The following SATB1 variants were observed in gnomAD, a reference collection of about 807,000 sequenced individuals.
SATB1 encodes the protein SATB homeobox 1, also known as DNA-binding protein SATB1.
Under a neutral mutation model 86.9 loss-of-function variants are expected in SATB1, and 11 were observed. The ratio of observed to expected loss-of-function variants is 0.13; its 90% confidence interval spans 0.08 to 0.21. SATB1 has a LOEUF of 0.21. SATB1 is among the 10% of genes least tolerant of loss of function. The probability of loss-of-function intolerance (pLI) is 1.00; values close to 1 mark genes in which losing one functional copy is unlikely to be tolerated. For synonymous variants in SATB1, 357 were observed against 357.2 expected, an observed-to-expected ratio of 1.00 and a Z score of 0.01; for missense variants, 551 against 937.6, an observed-to-expected ratio of 0.59 and a Z score of 5.39.
chr3:18,441,239 AG>A (rs1699236375), upstream of SATB1, among the ~76,000 whole-genome samples: 1 of 152,176 alleles, frequency 6.6e-6, no homozygotes, highest in Admixed American at 6.5e-5. Flanking sequence ...TATGCCACAA[AG>A]CTATGACAGT....
At chr3:18,434,491 C>A (rs572294472) in intron 2 of SATB1, among the ~76,000 whole-genome samples, 2 of 151,980 alleles carry the variant, frequency 1.3e-5, no homozygotes, top group South Asian at 2.1e-4. Context: ...ACTAGTCTAC[C>A]ACAGTTTTCA....
At chr3:18,383,603 T>C (rs937722864) in intron 8 of SATB1, among the ~76,000 whole-genome samples, 3 of 152,216 alleles carry the variant, frequency 2.0e-5, no homozygotes, top group African/African-American at 7.2e-5. Flanking sequence ...TGGACTCCTC[T>C]TTGGCAAAAT....
intron 9 of SATB1, among the ~76,000 whole-genome samples, chr3:18,358,224 T>C (rs1694748693): frequency 1.3e-5 from 2 of 152,006 alleles, no homozygotes; most frequent in Non-Finnish European, 2.9e-5. Flanking sequence ...CATCATATAA[T>C]TTAATATAAA....
At position 18,345,875 on chromosome 3, in the gene SATB1, T is replaced by C. The variant is rs888252022; in HGVS notation, c.*3295A>G. On this transcript the variant is annotated 3_prime_UTR_variant, in exon 11 of 11. Coordinates refer to ENST00000338745, the MANE Select transcript of SATB1 (RefSeq NM_002971.6). ...CTTAATATCAGCCAGATGCTAACAATTGGGAATAGGGCAGAATTTAATAAT... is the reference window on the plus strand; with the variant it reads ...CTTAATATCAGCCAGATGCTAACAACTGGGAATAGGGCAGAATTTAATAAT... 1 of 152,090 alleles carries C rather than the reference T, an allele frequency of 6.6e-6. No homozygotes were observed. The highest frequency in any genetic ancestry group is 1.5e-5 in the Non-Finnish European group (1 of 67,958). 9.4% of individuals were successfully genotyped at this position (152,090 alleles called of 1,614,324 possible).
chr3:18,440,206 G>C (rs2125209808), upstream of SATB1, among the ~76,000 whole-genome samples: 1 of 152,316 alleles, frequency 6.6e-6, no homozygotes, highest in South Asian at 2.1e-4. Context: ...GTTGCTTTAA[G>C]ATGACTATTT....
At chr3:18,389,100 G>A (rs1272179484) in intron 7 of SATB1, among the ~76,000 whole-genome samples, 1 of 151,922 alleles carries the variant, frequency 6.6e-6, no homozygotes, top group Non-Finnish European at 1.5e-5. Flanking sequence ...GTGTTTTTAG[G>A]GGCAAAGCAT....
chr3:18,380,610 A>T (rs1696004292), intron 8 of SATB1, among the ~76,000 whole-genome samples: 1 of 152,170 alleles, frequency 6.6e-6, no homozygotes, highest in Non-Finnish European at 1.5e-5. Context: ...AAAGTTAGAA[A>T]GTATCTCTGT....
upstream of SATB1, among the ~76,000 whole-genome samples, chr3:18,441,724 A>G (rs1351285372): frequency 2.6e-5 from 4 of 152,162 alleles, no homozygotes. Flanking sequence ...ATAATGAGGA[A>G]CAGGTGCCTG....
chr3:18,367,319 G>A (rs1695235061), intron 9 of SATB1, among the ~76,000 whole-genome samples: 1 of 152,192 alleles, frequency 6.6e-6, no homozygotes, highest in East Asian at 1.9e-4. Flanking sequence ...AAATGATACT[G>A]ATGACTTCAA....
intron 5 of SATB1, among the ~76,000 whole-genome samples, chr3:18,407,282 C>T (rs560009366): frequency 6.6e-6 from 1 of 152,136 alleles, no homozygotes; most frequent in East Asian, 1.9e-4. Flanking sequence ...TAAAATACAT[C>T]ATAACTTTAT....
At chr3:18,374,450 T>C (rs1318710904) in intron 9 of SATB1, among the ~76,000 whole-genome samples, 1 of 152,180 alleles carries the variant, frequency 6.6e-6, no homozygotes, top group Non-Finnish European at 1.5e-5. Context: ...ATGATTCACT[T>C]GGAAAAACTG....
At chr3:18,402,471 AAAAC>A (rs1297609754) in intron 5 of SATB1, among the ~76,000 whole-genome samples, 1 of 152,094 alleles carries the variant, frequency 6.6e-6, no homozygotes, top group Non-Finnish European at 1.5e-5. Flanking sequence ...TTCCAGTCAA[AAAAC>A]AGTTAACCCC....
At chr3:18,393,772 C>T (rs141398081) in intron 7 of SATB1, among the ~76,000 whole-genome samples, 11 of 152,162 alleles carry the variant, frequency 7.2e-5, no homozygotes, top group African/African-American at 1.2e-4. Context: ...ACAGTGTGAC[C>T]GAGATTTAAG....
chr3:18,440,281 A>G (rs916223840), upstream of SATB1, among the ~76,000 whole-genome samples: 1 of 152,214 alleles, frequency 6.6e-6, no homozygotes, highest in African/African-American at 2.4e-5. Context: ...GTAAAAGTGC[A>G]TAACATTTCT....
chr3:18,394,514 C>T lies in SATB1; in HGVS notation c.1154G>A (p.Arg385Gln). The change falls in exon 7 of 11, where the codon CGA (arginine) becomes CAA (glutamine). Residue 385 changes from arginine to glutamine, a missense_variant. By Grantham distance (43) the Arg-to-Gln change is conservative. Coordinates refer to ENST00000338745, the MANE Select transcript of SATB1 (RefSeq NM_002971.6). The surrounding 1 kb of genome is among the most constrained non-coding windows in gnomAD (Gnocchi z 5.9). ...AAATACCGCCTGGGAGATTCCTGCT[C>T]GTTTCAGTTCATCGCGTACCCACTG... ...IYQWVRDELK[R>Q]AGISQAVFAR... The T allele has an allele frequency of 1.9e-6, 3 of 1,614,136 alleles. No individual in the cohort carries two copies. Among genetic ancestry groups the T allele is most frequent in the Non-Finnish European group, 2.5e-6 (3 of 1,180,042 alleles).
At chr3:18,441,103 A>G (rs1421924410), upstream of SATB1, among the ~76,000 whole-genome samples, 1 of 152,190 alleles carries the variant, frequency 6.6e-6, no homozygotes, top group Non-Finnish European at 1.5e-5. Flanking sequence ...ATAAAAATCA[A>G]ACCCCATTCC....
chr3:18,363,093 T>C (rs1695001148), intron 9 of SATB1, among the ~76,000 whole-genome samples: 1 of 152,088 alleles, frequency 6.6e-6, no homozygotes, highest in South Asian at 2.1e-4. Flanking sequence ...ATTATGCATA[T>C]TTAGGGACTG....
At chr3:18,413,722 A>G (rs1004686710) in intron 5 of SATB1, among the ~76,000 whole-genome samples, 1 of 152,100 alleles carries the variant, frequency 6.6e-6, no homozygotes, top group Non-Finnish European at 1.5e-5. Context: ...AACTGAAATG[A>G]CAAATAAGAG....
At chr3:18,370,114 C>T (rs529553757) in intron 9 of SATB1, among the ~76,000 whole-genome samples, 5 of 152,196 alleles carry the variant, frequency 3.3e-5, no homozygotes, top group African/African-American at 1.2e-4. Flanking sequence ...GTTTTCCCGG[C>T]GTATTTGGCT....
Sources: gnomAD v4.1 joint callset for allele counts (sites outside exome capture counted in the v4.1 genomes callset) on GRCh38, gnomAD v4.1.1 for gene constraint, Gnocchi (gnomAD v3.1) non-coding constraint, MANE v1.5 for transcripts, NCBI Gene and HGNC (gene_info 2026-07-23, HGNC 2026-07-21) for gene names.